The following NCOA1 variants were observed in gnomAD, a reference collection of about 807,000 sequenced individuals.
NCOA1 encodes Hin-2 protein.
NCOA1 carries 35 observed loss-of-function variants against 150.9 expected under a neutral mutation model. The ratio of observed to expected loss-of-function variants is 0.23; its 90% CI spans 0.18 to 0.31. NCOA1 has a LOEUF of 0.31. Ranked by LOEUF, NCOA1 falls within the 10% of genes least tolerant of loss-of-function variation. The pLI is 1.00. For missense variants in NCOA1, 1,491 were observed against 1,749.3 expected (o/e 0.85, Z 2.63); for synonymous variants, 590 against 630.0 (o/e 0.94, Z 0.95).
intron 19 of NCOA1, among the ~76,000 whole-genome samples, chr2:24,750,300 T>A (rs1664150140): frequency 6.6e-6 from 1 of 152,122 alleles, no homozygotes; most frequent in Admixed American, 6.5e-5. Flanking sequence ...CCAAAATAAT[T>A]TTTAAAAGGA....
chr2:24,650,984 T>G (rs777565120), intron 4 of NCOA1, among the ~76,000 whole-genome samples: 10 of 152,084 alleles, frequency 6.6e-5, no homozygotes, highest in Non-Finnish European at 1.3e-4. Context: ...GGATTTTGGA[T>G]CATTTTAGGT....
At chr2:24,722,682 AT>A (rs898304980) in intron 14 of NCOA1, among the ~76,000 whole-genome samples, 28 of 151,616 alleles carry the variant, frequency 1.8e-4, no homozygotes, top group African/African-American at 5.6e-4. Context: ...TTCTGGGATA[AT>A]TTTTTTTTAA....
intron 1 of NCOA1, among the ~76,000 whole-genome samples, chr2:24,551,041 G>C (rs1665810174): frequency 6.6e-6 from 1 of 151,288 alleles, no homozygotes; most frequent in African/African-American, 2.4e-5. Context: ...GTTGCAGTGA[G>C]CTGAGATTGT....
Position 24,757,979 on chromosome 2 carries a change from C to T in NCOA1, c.3888C>T (p.Phe1296=), listed in dbSNP as rs146359042. Residue 1296 remains phenylalanine (F), a synonymous_variant, in exon 21 of 23, where the codon TTC becomes TTT. Coordinates refer to ENST00000348332, the MANE Select transcript of NCOA1 (RefSeq NM_003743.5). ...QQGAIGNNNV[F]SQAVQNQPTP... is the part of the protein sequence containing the mutation. ...ATTGTTTTTGAGTTTACAGTGTGTTCAGTCAAGCTGTCCAGAACCAGCCCA... is the reference window on the plus strand; with the variant it reads ...ATTGTTTTTGAGTTTACAGTGTGTTTAGTCAAGCTGTCCAGAACCAGCCCA... 1.9e-6 allele frequency: 3 copies of T among 1,613,118 alleles called. No homozygotes were observed. Among genetic ancestry groups the T allele is most frequent in the African/African-American group, 2.7e-5 (2 of 74,880 alleles).
At chr2:24,658,319 G>A (rs1490383314) in intron 4 of NCOA1, among the ~76,000 whole-genome samples, 1 of 151,634 alleles carries the variant, frequency 6.6e-6, no homozygotes, top group African/African-American at 2.4e-5. Flanking sequence ...TTCAACATTC[G>A]GCTTCTACAT....
In NCOA1 at chr2:24,742,296, A is replaced by C; in HGVS notation, c.3706+110A>C. On this transcript the variant is annotated intron_variant, in intron 19 of 22. Transcript: ENST00000348332. ...TAAAATAGTGTGTGGAAGAGGAAAG[A>C]CACTGACGTGGGAGTCTGGAGACCC... 3 of 1,314,958 alleles carry C rather than the reference A, an allele frequency of 2.3e-6. No individual in the cohort carries two copies. The East Asian group carries it at 7.2e-5, about 31-fold the overall frequency. 81.5% of individuals were successfully genotyped at this position (1,314,958 alleles called of 1,614,324 possible).
At chr2:24,709,068 T>C (rs1182838068) in intron 13 of NCOA1, among the ~76,000 whole-genome samples, 1 of 152,222 alleles carries the variant, frequency 6.6e-6, no homozygotes, top group Non-Finnish European at 1.5e-5. Flanking sequence ...GTTCTGTGCA[T>C]GTGTGTTCTT....
intron 8 of NCOA1, among the ~76,000 whole-genome samples, chr2:24,687,452 T>C (rs1462245400): frequency 6.6e-6 from 1 of 152,118 alleles, no homozygotes; most frequent in East Asian, 1.9e-4. Flanking sequence ...TTGTACAGAT[T>C]ATTTCATCAC....
At chr2:24,739,600 C>T (rs991034026) in intron 18 of NCOA1, 67 bp downstream of exon 18, 1 of 1,187,782 alleles carries the variant, frequency 8.4e-7, no homozygotes, top group Non-Finnish European at 1.3e-6. Flanking sequence ...AAAGTGTTGA[C>T]TTGAGTGTCT....
chr2:24,767,735 G>T, intron 22 of NCOA1: 1 of 211,838 alleles, frequency 4.7e-6, no homozygotes. Context: ...AACCTTAGAT[G>T]CTGATGTCCT....
chr2:24,642,057 T>TGCGCGCGCGC (rs1558866646), intron 3 of NCOA1, among the ~76,000 whole-genome samples: 1 of 133,144 alleles, frequency 7.5e-6, no homozygotes, highest in Non-Finnish European at 1.7e-5. Flanking sequence ...CGTATGTGTG[T>TGCGCGCGCGC]GTGTATGTGT....
At chr2:24,636,856 CCATT>C (rs1333896316) in intron 3 of NCOA1, among the ~76,000 whole-genome samples, 5 of 151,552 alleles carry the variant, frequency 3.3e-5, no homozygotes, top group Non-Finnish European at 7.4e-5. Context: ...TTTTCTGCAT[CCATT>C]GAGTTTTTTT....
intron 4 of NCOA1, among the ~76,000 whole-genome samples, chr2:24,647,266 G>T (rs1043729603): frequency 6.6e-6 from 1 of 152,254 alleles, no homozygotes; most frequent in African/African-American, 2.4e-5. Flanking sequence ...TGTGACTGTA[G>T]GTTAGTGATA....
intron 3 of NCOA1, among the ~76,000 whole-genome samples, chr2:24,589,300 C>G (rs891847993): frequency 6.6e-6 from 1 of 152,194 alleles, no homozygotes; most frequent in African/African-American, 2.4e-5. Flanking sequence ...GTCCATCTTT[C>G]CTGGTGTCAC....
intron 17 of NCOA1, among the ~76,000 whole-genome samples, chr2:24,736,277 A>G (rs1342341038): frequency 1.3e-5 from 2 of 151,932 alleles, no homozygotes; most frequent in African/African-American, 2.4e-5. Context: ...CTGACAAAAG[A>G]TACGATTTTT....
At position 24,491,499 on chromosome 2, in the gene NCOA1, C is replaced by CGG. The variant is rs1662951581; in HGVS notation, c.-498_-497insGG. 2.1e-5 allele frequency among the ~76,000 whole-genome samples: 3 copies of CGG among 145,722 alleles called. No homozygotes were observed. Among genetic ancestry groups the CGG allele is most frequent in the Non-Finnish European group, 4.6e-5 (3 of 65,540 alleles). On this transcript the variant is annotated 5_prime_UTR_variant, in exon 1 of 23. Coordinates refer to ENST00000348332, the MANE Select transcript of NCOA1 (RefSeq NM_003743.5). ...GCTCCGGAGGAGGGGGCCGGAGAGC[C>CGG]GCGGCGCCGGGCCCGAGGAGCGGCG...
At chr2:24,675,875 ACT>A (rs1463783193) in intron 7 of NCOA1, among the ~76,000 whole-genome samples, 2 of 152,168 alleles carry the variant, frequency 1.3e-5, no homozygotes, top group Non-Finnish European at 1.5e-5. Context: ...ACAGAGTGAG[ACT>A]CTGTCTCAAA....
At chr2:24,515,349 C>T (rs916885577) in intron 1 of NCOA1, among the ~76,000 whole-genome samples, 1 of 152,154 alleles carries the variant, frequency 6.6e-6, no homozygotes, top group Non-Finnish European at 1.5e-5. Flanking sequence ...CCTCCCATCT[C>T]AGCCTCCCAA....
intron 8 of NCOA1, among the ~76,000 whole-genome samples, chr2:24,683,718 C>G (rs1179064714): frequency 1.3e-5 from 2 of 152,120 alleles, no homozygotes; most frequent in African/African-American, 4.8e-5. Context: ...GATGGACTAA[C>G]AGCAAGCCTT....
Sources: gnomAD v4.1 joint callset for allele counts (sites outside exome capture counted in the v4.1 genomes callset) on GRCh38, gnomAD v4.1.1 for gene constraint, MANE v1.5 for transcripts, NCBI Gene and HGNC (gene_info 2026-07-23, HGNC 2026-07-21) for gene names.